Variants in DPYD observed in about 807,000 individuals in gnomAD.
The protein encoded by DPYD is dihydropyrimidine dehydrogenase, also known as dihydropyrimidine dehydrogenase [NADP(+)].
A neutral mutation model predicts 116.2 loss-of-function variants in DPYD; 109 were observed. The ratio of observed to expected loss-of-function variants is 0.94; its 90% CI spans 0.80 to 1.10. The LOEUF (loss-of-function observed/expected upper bound fraction) is 1.10, where lower values mean the gene tolerates loss of function less well. Among genes scored for constraint, DPYD ranks in the 50% least tolerant of loss-of-function variants. DPYD has a pLI of 0.00. For synonymous variants in DPYD, 440 were observed against 432.0 expected, an observed-to-expected ratio of 1.02 and a Z score of -0.23; for missense variants, 1,302 against 1,254.5, an observed-to-expected ratio of 1.04 and a Z score of -0.57.
intron 13 of DPYD, among the ~76,000 whole-genome samples, chr1:97,510,334 A>C (rs1647688946): frequency 6.6e-6 from 1 of 151,876 alleles, no homozygotes. Flanking sequence ...TGTGCCTTCC[A>C]TTTCTCCAGT....
intron 22 of DPYD, among the ~76,000 whole-genome samples, chr1:97,080,160 A>G (rs2101551625): frequency 6.6e-6 from 1 of 152,146 alleles, no homozygotes; most frequent in South Asian, 2.1e-4. Flanking sequence ...ACTTGCAAAA[A>G]AAATACAAGA....
chr1:97,258,103 G>A (rs980562173), intron 18 of DPYD, among the ~76,000 whole-genome samples: 6 of 152,066 alleles, frequency 3.9e-5, no homozygotes, highest in African/African-American at 1.4e-4. Context: ...AGGGCCTAGA[G>A]TAAAGATGGA....
At chr1:97,908,243 G>T (rs1291790930) in intron 1 of DPYD, among the ~76,000 whole-genome samples, 1 of 151,826 alleles carries the variant, frequency 6.6e-6, no homozygotes, top group Non-Finnish European at 1.5e-5. Context: ...ATGGGGTTTT[G>T]CCCTATTGCC....
At chr1:97,222,563 GC>G (rs1660846221) in intron 19 of DPYD, among the ~76,000 whole-genome samples, 1 of 151,988 alleles carries the variant, frequency 6.6e-6, no homozygotes, top group Non-Finnish European at 1.5e-5. Flanking sequence ...GAATCAAGAT[GC>G]TTTTTAAATA....
At chr1:97,382,272 A>T in intron 15 of DPYD, 121 bp downstream of exon 15, 1 of 520,044 alleles carries the variant, frequency 1.9e-6, no homozygotes, top group Non-Finnish European at 3.3e-6. Flanking sequence ...GAAATGTTTT[A>T]AGTTACATTT....
chr1:97,185,686 T>C (rs1316436088), intron 20 of DPYD, among the ~76,000 whole-genome samples: 2 of 152,178 alleles, frequency 1.3e-5, no homozygotes, highest in Non-Finnish European at 2.9e-5. Flanking sequence ...TGTAATATTA[T>C]AGTGAGTGAA....
chr1:97,726,319 AG>A (rs1428166415), intron 4 of DPYD, among the ~76,000 whole-genome samples: 1 of 151,680 alleles, frequency 6.6e-6, no homozygotes, highest in Non-Finnish European at 1.5e-5. Flanking sequence ...GATAATAAAA[AG>A]ACACAGTCAT....
At chr1:97,531,656 C>A (rs547363887) in intron 12 of DPYD, among the ~76,000 whole-genome samples, 1 of 152,132 alleles carries the variant, frequency 6.6e-6, no homozygotes, top group Admixed American at 6.5e-5. Context: ...TTTTCTATTT[C>A]TGTAAAAATG....
At chr1:97,517,407 T>C (rs937928404) in intron 12 of DPYD, among the ~76,000 whole-genome samples, 3 of 152,122 alleles carry the variant, frequency 2.0e-5, no homozygotes, top group Non-Finnish European at 4.4e-5. Context: ...CACGCATGGA[T>C]GTTAACAATG....
chr1:97,134,582 A>C (rs1653638907), intron 20 of DPYD, among the ~76,000 whole-genome samples: 1 of 152,194 alleles, frequency 6.6e-6, no homozygotes, highest in African/African-American at 2.4e-5. Flanking sequence ...TTGGGGAGGA[A>C]GAGGAGGAAA....
intron 21 of DPYD, among the ~76,000 whole-genome samples, chr1:97,085,978 G>A (rs1316394361): frequency 2.0e-5 from 3 of 152,150 alleles, no homozygotes; most frequent in Admixed American, 6.5e-5. Flanking sequence ...ATGTTGCAAA[G>A]TACTACAGAA....
chr1:97,545,936 T>C, intron 12 of DPYD: 2 of 1,121,030 alleles, frequency 1.8e-6, no homozygotes, highest in East Asian at 2.3e-5. Flanking sequence ...AAGAATCAGA[T>C]TGTCATACTC....
chr1:97,695,839 G>A lies in DPYD; in HGVS notation c.680+3512C>T, dbSNP rs570771644. ...GGAAGCTACTGCAGTGGTAAAGAAA[G>A]TGAGAGGTGGCCGGGCGCAGTGGCT... On this transcript the variant is annotated intron_variant, in intron 6 of 22. Coordinates refer to ENST00000370192, the MANE Select transcript of DPYD (RefSeq NM_000110.4). Among the ~76,000 whole-genome samples the A allele has an allele frequency of 3.3e-5, 5 of 152,206 alleles. No homozygotes were observed. The South Asian group carries it at 1.0e-3, about 32-fold the overall frequency.
At chr1:97,241,898 A>T (rs1662359092) in intron 18 of DPYD, among the ~76,000 whole-genome samples, 1 of 151,604 alleles carries the variant, frequency 6.6e-6, no homozygotes, top group African/African-American at 2.4e-5. Context: ...AGAAAAATAA[A>T]CATTCAGCTA....
intron 18 of DPYD, among the ~76,000 whole-genome samples, chr1:97,240,928 G>A (rs1451611999): frequency 6.6e-6 from 1 of 151,928 alleles, no homozygotes; most frequent in African/African-American, 2.4e-5. Context: ...GAGAATATTT[G>A]CATAATTCAA....
At chr1:97,850,106 A>G (rs1478066771) in intron 2 of DPYD, among the ~76,000 whole-genome samples, 2 of 152,226 alleles carry the variant, frequency 1.3e-5, no homozygotes, top group African/African-American at 4.8e-5. Context: ...AATAATGGAC[A>G]GCTCATTCTC....
chr1:97,191,381 A>C (rs765423297), intron 20 of DPYD, among the ~76,000 whole-genome samples: 2 of 152,140 alleles, frequency 1.3e-5, no homozygotes, highest in Non-Finnish European at 2.9e-5. Flanking sequence ...TTACCAGACC[A>C]TCTGCTTATT....
chr1:97,468,485 A>G (rs545659298), intron 13 of DPYD, among the ~76,000 whole-genome samples: 24 of 152,098 alleles, frequency 1.6e-4, no homozygotes, highest in Admixed American at 8.5e-4. Flanking sequence ...GGCATCATCT[A>G]TGTTAACAGA....
intron 1 of DPYD, among the ~76,000 whole-genome samples, chr1:97,915,584 T>C (rs1233733034): frequency 6.6e-6 from 1 of 152,142 alleles, no homozygotes; most frequent in African/African-American, 2.4e-5. Flanking sequence ...TCTGTCTTGA[T>C]ATGGAGGATT....
Sources: gnomAD v4.1 joint callset for allele counts (sites outside exome capture counted in the v4.1 genomes callset) on GRCh38, gnomAD v4.1.1 for gene constraint, MANE v1.5 for transcripts, NCBI Gene and HGNC (gene_info 2026-07-23, HGNC 2026-07-21) for gene names.